Variants in CNNM2 observed in about 807,000 individuals in gnomAD.
The protein encoded by CNNM2 is metal transporter CNNM2.
CNNM2 carries 12 observed loss-of-function variants against 66.9 expected under a neutral mutation model. The observed-to-expected ratio is 0.18, with a 90% CI of 0.11 to 0.29. The LOEUF is 0.29. Ranked by LOEUF, CNNM2 falls within the 10% of genes least tolerant of loss-of-function variation. The pLI, the probability that CNNM2 is intolerant of heterozygous loss-of-function variation, is 1.00. For missense variants in CNNM2, 705 were observed against 1,167.7 expected (o/e 0.60, Z 5.77); for synonymous variants, 557 against 501.8 (o/e 1.11, Z -1.47).
At chr10:102,960,783 CTTTTTTT>C (rs1183182236) in intron 1 of CNNM2, among the ~76,000 whole-genome samples, 1 of 97,870 alleles carries the variant, frequency 1.0e-5, no homozygotes, top group African/African-American at 3.9e-5. Context: ...CCATACCTGG[CTTTTTTT>C]TTTTTTTTTT....
In CNNM2 at chr10:103,089,708, T is replaced by A. The variant is rs760841185; in HGVS notation, c.*12528T>A. 6.8e-6 allele frequency: 11 copies of A among 1,611,772 alleles called. No individual in the cohort carries two copies. Among genetic ancestry groups the A allele is most frequent in the Non-Finnish European group, 9.3e-6 (11 of 1,179,018 alleles). On this transcript the variant is annotated 3_prime_UTR_variant, in exon 8 of 8. Transcript: ENST00000369878. Reference sequence around the variant, plus strand: ...CCTCCTCCTCCTCTTCATCATCATCTTCGTCATGGCAGTGTGTAATTTCCT... The same window carrying A: ...CCTCCTCCTCCTCTTCATCATCATCATCGTCATGGCAGTGTGTAATTTCCT...
intron 6 of CNNM2, among the ~76,000 whole-genome samples, chr10:103,075,169 T>C (rs997222644): frequency 7.9e-5 from 12 of 152,324 alleles, no homozygotes; most frequent in Admixed American, 7.2e-4. Context: ...CGAGGGCAGC[T>C]GTCAGGGACA....
intron 1 of CNNM2, among the ~76,000 whole-genome samples, chr10:103,041,991 C>G (rs2065048739): frequency 1.3e-5 from 2 of 152,204 alleles, no homozygotes; most frequent in South Asian, 4.1e-4. Context: ...GTGTCTCTCT[C>G]TCTTGAATTC....
At chr10:102,952,847 T>C (rs1404667560) in intron 1 of CNNM2, among the ~76,000 whole-genome samples, 1 of 152,168 alleles carries the variant, frequency 6.6e-6, no homozygotes, top group Admixed American at 6.5e-5. Flanking sequence ...GCTTCAGTAC[T>C]TGAATAGAAG....
chr10:103,032,287 T>G (rs1332761844), intron 1 of CNNM2, among the ~76,000 whole-genome samples: 2 of 151,746 alleles, frequency 1.3e-5, no homozygotes, highest in African/African-American at 2.4e-5. Flanking sequence ...CCATCTCTAC[T>G]AAAAAAGACA....
At chr10:103,053,808 T>C (rs1280522652) in intron 2 of CNNM2, among the ~76,000 whole-genome samples, 1 of 152,190 alleles carries the variant, frequency 6.6e-6, no homozygotes, top group African/African-American at 2.4e-5. Context: ...ATTAAAACAC[T>C]GCTCTGCGAA....
chr10:103,065,289 A>C (rs937584258), intron 4 of CNNM2, among the ~76,000 whole-genome samples: 5 of 152,298 alleles, frequency 3.3e-5, no homozygotes, highest in South Asian at 4.1e-4. Context: ...AATCACCCGG[A>C]AATCTTTTTA....
At chr10:103,027,808 C>T (rs564356159) in intron 1 of CNNM2, among the ~76,000 whole-genome samples, 5 of 152,250 alleles carry the variant, frequency 3.3e-5, no homozygotes, top group Non-Finnish European at 5.9e-5. Flanking sequence ...TTATTGAGCA[C>T]TTACTATGTG....
rs2065812876 is a variant in CNNM2, at chr10:103,086,456, T to C, written c.*9276T>C. On this transcript the variant is annotated 3_prime_UTR_variant, in exon 8 of 8. Transcript: ENST00000369878. Reference sequence around the variant, plus strand: ...GTTCCTACCCTAATACAGACTTAAATATGTAGTTGTCTCAGGCTATTCGTG... The same window carrying C: ...GTTCCTACCCTAATACAGACTTAAACATGTAGTTGTCTCAGGCTATTCGTG... 1 of 125,110 alleles carries C rather than the reference T, an allele frequency of 8.0e-6. No homozygotes were observed. The highest frequency in any genetic ancestry group is 2.7e-4 in the South Asian group (1 of 3,716). 7.7% of individuals were successfully genotyped at this position (125,110 alleles called of 1,614,324 possible). A position where few individuals can be genotyped will look rare whatever the true frequency, so the allele number is the denominator to read the frequency against.
chr10:103,021,943 C>A (rs2064590595), intron 1 of CNNM2, among the ~76,000 whole-genome samples: 1 of 152,108 alleles, frequency 6.6e-6, no homozygotes, highest in South Asian at 2.1e-4. Context: ...TAGATCAATT[C>A]CTGGTAAAGA....
chr10:102,936,349 C>G (rs1223463536), intron 1 of CNNM2, among the ~76,000 whole-genome samples: 1 of 152,114 alleles, frequency 6.6e-6, no homozygotes, highest in African/African-American at 2.4e-5. Flanking sequence ...ACTAGTGTAC[C>G]TCCTTGATGT....
rs1204119955 is a variant in CNNM2 at position 102,918,734 on chromosome 10, T to C, written c.254T>C (p.Val85Ala). 3 of 1,581,392 alleles carry C rather than the reference T, an allele frequency of 1.9e-6. No homozygotes were observed. Among genetic ancestry groups the C allele is most frequent in the Admixed American group, 1.8e-5 (1 of 54,800 alleles). Residue 85 changes from valine to alanine, a missense_variant, in exon 1 of 8, where the codon GTG becomes GCG. By Grantham distance (64) the Val-to-Ala change is moderately conservative (BLOSUM62 0). Around this residue, in one of 9 missense-constraint regions of CNNM2, gnomAD observed 37 missense variants for 58.5 expected, o/e 0.63. Coordinates refer to ENST00000369878, the MANE Select transcript of CNNM2 (RefSeq NM_017649.5). This position sits in a 1 kb window ranked among gnomAD's most constrained non-coding sequence, Gnocchi z 4.1. ...IGLRLEDTND[V>A]SFMEGGALRV... ...CTGCGACTGGAGGACACGAACGACG[T>C]GTCGTTCATGGAAGGGGGGGCGCTG...
chr10:102,960,502 C>CT (rs1183193172), intron 1 of CNNM2, among the ~76,000 whole-genome samples: 1 of 152,100 alleles, frequency 6.6e-6, no homozygotes. Context: ...TTTGACATAT[C>CT]TTTTTTCCTC....
chr10:102,994,167 C>T (rs2063946666), intron 1 of CNNM2, among the ~76,000 whole-genome samples: 1 of 152,166 alleles, frequency 6.6e-6, no homozygotes, highest in South Asian at 2.1e-4. Context: ...GAACCCCTGA[C>T]CTCAAGTGAT....
intron 1 of CNNM2, among the ~76,000 whole-genome samples, chr10:102,984,248 G>T (rs1180557851): frequency 6.6e-6 from 1 of 152,138 alleles, no homozygotes; most frequent in Non-Finnish European, 1.5e-5. Flanking sequence ...GTTCTTTATT[G>T]TCCCCTGATG....
chr10:103,009,482 G>C lies in CNNM2; in HGVS notation c.1622-40225G>C, dbSNP rs1007507148. Reference sequence around the variant, plus strand: ...CAAGGTGGGAATATCGCTTGAGCCTGGGAATTTGAGACCAGCCTGGGCAAC... The same window carrying C: ...CAAGGTGGGAATATCGCTTGAGCCTCGGAATTTGAGACCAGCCTGGGCAAC... On this transcript the variant is annotated intron_variant, in intron 1 of 7. Transcript: ENST00000369878. 2.0e-5 allele frequency among the ~76,000 whole-genome samples: 3 copies of C among 151,362 alleles called. No homozygotes were observed. The South Asian group carries it at 6.3e-4, about 32-fold the overall frequency.
At chr10:102,954,542 C>T (rs187199389) in intron 1 of CNNM2, among the ~76,000 whole-genome samples, 36 of 152,188 alleles carry the variant, frequency 2.4e-4, no homozygotes, top group Non-Finnish European at 4.3e-4. Flanking sequence ...TCTTCAGAAG[C>T]GTTTGTTGAG....
At chr10:103,068,758 C>T (rs533208204) in intron 5 of CNNM2, 36 bp downstream of exon 5, 6 of 1,508,836 alleles carry the variant, frequency 4.0e-6, no homozygotes, top group Admixed American at 1.8e-5. Context: ...GGCAGGACCA[C>T]GTGTTAGGAA....
At chr10:102,941,799 A>G (rs1159821673) in intron 1 of CNNM2, among the ~76,000 whole-genome samples, 1 of 150,586 alleles carries the variant, frequency 6.6e-6, no homozygotes, top group Non-Finnish European at 1.5e-5. Context: ...TTTTTTTTTC[A>G]CCTGCCTCTC....
Sources: gnomAD v4.1 joint callset for allele counts (sites outside exome capture counted in the v4.1 genomes callset) on GRCh38, gnomAD v4.1.1 for gene constraint, gnomAD v4.1.1 regional missense constraint, Gnocchi (gnomAD v3.1) non-coding constraint, MANE v1.5 for transcripts, NCBI Gene and HGNC (gene_info 2026-07-23, HGNC 2026-07-21) for gene names.